The following TMEM178A variants were observed in gnomAD, a reference collection of about 807,000 sequenced individuals.
TMEM178A encodes transmembrane protein 178.
In TMEM178A, 12 loss-of-function variants were observed where a neutral mutation model predicts 29.1. That is an observed-to-expected ratio of 0.41 (90% CI 0.26 to 0.67). The LOEUF is 0.67. TMEM178A is among the 30% of genes least tolerant of loss of function. The pLI is 0.29. For missense variants in TMEM178A, 366 were observed against 419.1 expected, an observed-to-expected ratio of 0.87 and a Z score of 1.11; for synonymous variants, 210 against 187.2, an observed-to-expected ratio of 1.12 and a Z score of -0.99.
chr2:39,695,688 G>A (rs879342627), intron 1 of TMEM178A, among the ~76,000 whole-genome samples: 2 of 151,960 alleles, frequency 1.3e-5, no homozygotes, highest in Admixed American at 1.3e-4. Context: ...TGAAGTTGGA[G>A]GTAGGGATAG....
chr2:39,673,544 C>G (rs1670491496), intron 1 of TMEM178A, among the ~76,000 whole-genome samples: 1 of 152,144 alleles, frequency 6.6e-6, no homozygotes, highest in Non-Finnish European at 1.5e-5. Flanking sequence ...TTTGGTTTCA[C>G]CAAGTGATTT....
chr2:39,702,863 A>T (rs554153053), intron 1 of TMEM178A, among the ~76,000 whole-genome samples: 1 of 152,302 alleles, frequency 6.6e-6, no homozygotes, highest in Non-Finnish European at 1.5e-5. Flanking sequence ...TCCATCTCAA[A>T]ACTTTTGATT....
intron 1 of TMEM178A, among the ~76,000 whole-genome samples, chr2:39,668,246 A>G (rs1252348945): frequency 2.6e-5 from 4 of 152,236 alleles, no homozygotes; most frequent in Admixed American, 6.5e-5. Context: ...ATTCCCTTCT[A>G]CAATCTTTCT....
rs147840337 is a variant in TMEM178A, at chr2:39,702,397, A to G, written c.401-1684A>G. Among the ~76,000 whole-genome samples the G allele has an allele frequency of 1.8e-3, 267 of 152,238 alleles. 2 individuals carry two copies. Among genetic ancestry groups the G allele is most frequent in the African/African-American group, 6.1e-3 (253 of 41,538 alleles). ...GGGGTTTGTTGTGTGCATGTTGGGTATGCCTTCAACTCTGCCTTAGCTTTC... is the reference window on the plus strand; with the variant it reads ...GGGGTTTGTTGTGTGCATGTTGGGTGTGCCTTCAACTCTGCCTTAGCTTTC... On this transcript the variant is annotated intron_variant, in intron 1 of 3. Coordinates refer to ENST00000281961, the MANE Select transcript of TMEM178A (RefSeq NM_152390.3).
intron 1 of TMEM178A, among the ~76,000 whole-genome samples, chr2:39,699,716 C>T (rs1671700229): frequency 6.6e-6 from 1 of 152,142 alleles, no homozygotes; most frequent in Admixed American, 6.5e-5. Flanking sequence ...CTCAGCTTCT[C>T]AAGGGTTGGG....
the TMEM178A span, among the ~76,000 whole-genome samples, chr2:39,734,932 C>T: frequency 6.6e-6 from 1 of 152,194 alleles, no homozygotes; most frequent in African/African-American, 2.4e-5. Context: ...CTCCTACCAA[C>T]ACGACTGTTA....
chr2:39,710,962 T>A (rs1175067109), intron 3 of TMEM178A, among the ~76,000 whole-genome samples: 1 of 152,230 alleles, frequency 6.6e-6, no homozygotes, highest in African/African-American at 2.4e-5. Context: ...TACCACATGT[T>A]ACACAGCAGC....
At chr2:39,704,035 TTAC>T (rs780018359) in intron 1 of TMEM178A, 43 bp from the exon 2 acceptor site, 2 of 1,551,272 alleles carry the variant, frequency 1.3e-6, no homozygotes, top group South Asian at 2.3e-5. Flanking sequence ...CAGAATTCTG[TTAC>T]AAATAAGCAG....
At chr2:39,689,179 A>G (rs1468806639) in intron 1 of TMEM178A, among the ~76,000 whole-genome samples, 6 of 152,204 alleles carry the variant, frequency 3.9e-5, no homozygotes, top group Admixed American at 3.9e-4. Flanking sequence ...GACCAACAGT[A>G]TATTGTTTTT....
chr2:39,715,741 GCT>G (rs1672508159), intron 3 of TMEM178A, among the ~76,000 whole-genome samples: 2 of 152,168 alleles, frequency 1.3e-5, no homozygotes, highest in East Asian at 3.8e-4. Context: ...CAGGCAACGT[GCT>G]CTTACATGAT....
downstream of TMEM178A, among the ~76,000 whole-genome samples, chr2:39,720,691 G>C (rs147366779): frequency 0.027 from 4,085 of 152,242 alleles, 76 homozygotes; most frequent in South Asian, 0.039. Context: ...GTAGACCGTA[G>C]GTGCTCTTAA....
intron 1 of TMEM178A, among the ~76,000 whole-genome samples, chr2:39,670,181 G>A (rs1049431904): frequency 1.3e-5 from 2 of 152,230 alleles, no homozygotes; most frequent in Non-Finnish European, 2.9e-5. Context: ...CACTGGGAAT[G>A]TGGGGGGCGG....
chr2:39,698,710 T>C (rs905691058), intron 1 of TMEM178A, among the ~76,000 whole-genome samples: 2 of 151,592 alleles, frequency 1.3e-5, no homozygotes, highest in South Asian at 2.1e-4. Context: ...TTTTTTTTTT[T>C]GTTTTGAAGA....
intron 3 of TMEM178A, among the ~76,000 whole-genome samples, chr2:39,713,678 A>G (rs1672408233): frequency 6.6e-6 from 1 of 152,244 alleles, no homozygotes; most frequent in Non-Finnish European, 1.5e-5. Context: ...TACAATTGTG[A>G]GAAAACAAAT....
At chr2:39,707,358 G>C (rs17024202) in intron 3 of TMEM178A, among the ~76,000 whole-genome samples, 172 bp downstream of exon 3, 4,739 of 152,342 alleles carry the variant, frequency 0.031, 229 homozygotes, top group African/African-American at 0.11. Context: ...GAAAACAACA[G>C]TGTGAGAAAT....
chr2:39,724,731 C>T, the TMEM178A span, among the ~76,000 whole-genome samples: 136 of 152,300 alleles, frequency 8.9e-4, 3 homozygotes, highest in South Asian at 0.026. Context: ...GGTCATCTCT[C>T]TTTGACAGCA....
the TMEM178A span, among the ~76,000 whole-genome samples, chr2:39,735,613 G>A: frequency 2.6e-5 from 4 of 152,232 alleles, no homozygotes; most frequent in African/African-American, 7.2e-5. Context: ...CCTCTTGCTT[G>A]AAACCCCTCA....
chr2:39,705,841 C>T lies in TMEM178A; in HGVS notation c.515-1208C>T, dbSNP rs540443588. On this transcript the variant is annotated intron_variant, in intron 2 of 3. Coordinates refer to ENST00000281961, the MANE Select transcript of TMEM178A (RefSeq NM_152390.3). ...TGTGATCTGCACCTTGTCTTGGCCC[C>T]ATGTGTACACAGGTGTGGATGATCC... 6.6e-5 allele frequency among the ~76,000 whole-genome samples: 10 copies of T among 152,294 alleles called. No individual in the cohort carries two copies. The South Asian group carries it at 2.1e-3, about 32-fold the overall frequency.
intron 1 of TMEM178A, among the ~76,000 whole-genome samples, chr2:39,681,832 G>C (rs1251021605): frequency 6.6e-6 from 1 of 152,172 alleles, no homozygotes; most frequent in Non-Finnish European, 1.5e-5. Context: ...AAGGAGCCTT[G>C]TTTCCTGACT....
Sources: gnomAD v4.1 joint callset for allele counts (sites outside exome capture counted in the v4.1 genomes callset) on GRCh38, gnomAD v4.1.1 for gene constraint, MANE v1.5 for transcripts, NCBI Gene and HGNC (gene_info 2026-07-23, HGNC 2026-07-21) for gene names.